STK39: variants seen among roughly 807,000 people sequenced by gnomAD.
The protein encoded by STK39 is serine/threonine kinase 39, also known as STE20/SPS1-related proline-alanine-rich protein kinase.
In STK39, 20 loss-of-function variants were observed where a neutral mutation model predicts 77.8. That is an observed-to-expected ratio of 0.26 (90% confidence interval 0.18 to 0.37). The LOEUF (loss-of-function observed/expected upper bound fraction) is 0.37, where lower values mean the gene tolerates loss of function less well. STK39 is among the 10% of genes least tolerant of loss of function. STK39 has a pLI of 1.00. For missense variants in STK39, 479 were observed against 656.5 expected (o/e 0.73, Z 2.95); for synonymous variants, 246 against 234.1 (o/e 1.05, Z -0.47).
At chr2:168,027,057 A>G (rs2105333570) in intron 14 of STK39, among the ~76,000 whole-genome samples, 1 of 152,324 alleles carries the variant, frequency 6.6e-6, no homozygotes, top group East Asian at 1.9e-4. Context: ...AGTATTATAT[A>G]CTAGAGGAAA....
At chr2:168,073,352 A>G (rs1169917219) in intron 12 of STK39, among the ~76,000 whole-genome samples, 2 of 152,154 alleles carry the variant, frequency 1.3e-5, no homozygotes, top group African/African-American at 4.8e-5. Context: ...GTGAACAACA[A>G]ATGTTTTGTG....
intron 10 of STK39, among the ~76,000 whole-genome samples, chr2:168,076,730 C>T (rs1444066880): frequency 6.6e-6 from 1 of 151,904 alleles, no homozygotes; most frequent in Non-Finnish European, 1.5e-5. Flanking sequence ...CCAAATTTTT[C>T]TTTTTAACTA....
intron 1 of STK39, among the ~76,000 whole-genome samples, chr2:168,216,720 C>T (rs879268604): frequency 3.3e-5 from 5 of 152,210 alleles, no homozygotes; most frequent in Admixed American, 3.3e-4. Flanking sequence ...TATTCGTGTG[C>T]TTTCAACTTT....
chr2:168,223,779 T>A (rs1690237383), intron 1 of STK39, among the ~76,000 whole-genome samples: 1 of 152,068 alleles, frequency 6.6e-6, no homozygotes, highest in Non-Finnish European at 1.5e-5. Flanking sequence ...TCAAGTATGC[T>A]GAGTAATTGG....
At chr2:167,995,650 C>T (rs1177653236) in intron 16 of STK39, among the ~76,000 whole-genome samples, 2 of 152,006 alleles carry the variant, frequency 1.3e-5, no homozygotes, top group East Asian at 3.9e-4. Flanking sequence ...TATACTGCCA[C>T]CCAAAAAGGT....
rs1333451147 is a variant in STK39, at chr2:168,075,180, C to T, written c.1141G>A (p.Asp381Asn). 1.2e-6 allele frequency: 2 copies of T among 1,614,048 alleles called. No homozygotes were observed. Among genetic ancestry groups the T allele is most frequent in the Non-Finnish European group, 1.7e-6 (2 of 1,180,036 alleles). ...SGHLHKTEDGDWEWSDDEMDE... is the reference protein window; with the variant it reads ...SGHLHKTEDGNWEWSDDEMDE... ...ATCTCGTCGTCACTCCACTCCCAGT[C>T]CCCGTCTTCGGTTTTATGAAGGTGA... The change falls in exon 11 of 18, where the codon GAC becomes AAC. Residue 381 changes from aspartate to asparagine, a missense_variant. Physicochemically the swap from Asp to Asn is conservative, Grantham distance 23. Around this residue, in one of 3 missense-constraint regions of STK39, gnomAD observed 244 missense variants for 296.8 expected, o/e 0.82. Coordinates refer to ENST00000355999, the MANE Select transcript of STK39 (RefSeq NM_013233.3).
chr2:168,019,574 C>T (rs1684520126), intron 14 of STK39, among the ~76,000 whole-genome samples: 1 of 152,216 alleles, frequency 6.6e-6, no homozygotes, highest in Admixed American at 6.5e-5. Context: ...ATTTAGAAAT[C>T]ATGTTGGACC....
At position 167,990,222 on chromosome 2, in the gene STK39, T is replaced by C. The variant is rs186493317; in HGVS notation, c.1498+22412A>G. On this transcript the variant is annotated intron_variant, in intron 16 of 17. Coordinates refer to ENST00000355999, the MANE Select transcript of STK39 (RefSeq NM_013233.3). Reference sequence around the variant, plus strand: ...GAAAAGCCTGCAGTGGCCTGGTACCTGATACGCAGGCTCTCCTAAGACAAA... The same window carrying C: ...GAAAAGCCTGCAGTGGCCTGGTACCCGATACGCAGGCTCTCCTAAGACAAA... 2.7e-3 allele frequency among the ~76,000 whole-genome samples: 411 copies of C among 152,334 alleles called. 2 individuals are homozygous for C. Among genetic ancestry groups the C allele is most frequent in the African/African-American group, 9.3e-3 (385 of 41,582 alleles).
At chr2:168,071,576 A>G (rs1685940796) in intron 12 of STK39, among the ~76,000 whole-genome samples, 1 of 152,212 alleles carries the variant, frequency 6.6e-6, no homozygotes, top group African/African-American at 2.4e-5. Flanking sequence ...AGCTATTGAT[A>G]GCAACTACAA....
intron 2 of STK39, among the ~76,000 whole-genome samples, chr2:168,181,722 G>A (rs905502176): frequency 6.6e-6 from 1 of 152,144 alleles, no homozygotes; most frequent in African/African-American, 2.4e-5. Flanking sequence ...GAGTGCCAAC[G>A]CTGAGGCCAT....
chr2:168,124,492 C>G (rs1457726308), intron 10 of STK39, among the ~76,000 whole-genome samples: 2 of 152,114 alleles, frequency 1.3e-5, no homozygotes, highest in African/African-American at 4.8e-5. Flanking sequence ...CCTCTGCCTC[C>G]CGGATTCAAA....
intron 10 of STK39, among the ~76,000 whole-genome samples, chr2:168,108,534 C>A (rs536615126): frequency 6.6e-6 from 1 of 150,792 alleles, no homozygotes; most frequent in Non-Finnish European, 1.5e-5. Context: ...GGTGACGGAG[C>A]GAGACCCTGT....
Position 168,082,838 on chromosome 2 carries a change from C to G in STK39, c.1090-7607G>C, listed in dbSNP as rs189517887. ...CAAAGTTGAGTTTGCCACCCCTAAC[C>G]CATTTGTTAATCCTCCATCTCCAGC... On this transcript the variant is annotated intron_variant, in intron 10 of 17. Transcript: ENST00000355999. Among the ~76,000 whole-genome samples, 3 of 152,274 alleles carry G rather than the reference C, an allele frequency of 2.0e-5. No homozygotes were observed. In the East Asian group the frequency reaches 5.8e-4, roughly 29 times the overall value.
At chr2:168,070,347 C>G (rs901037455) in intron 12 of STK39, among the ~76,000 whole-genome samples, 14 of 151,882 alleles carry the variant, frequency 9.2e-5, no homozygotes, top group Non-Finnish European at 4.4e-5. Context: ...TTCCATCAAC[C>G]AAGTAGAATA....
chr2:168,233,070 T>G (rs1279807053), intron 1 of STK39, among the ~76,000 whole-genome samples: 1 of 152,206 alleles, frequency 6.6e-6, no homozygotes, highest in Non-Finnish European at 1.5e-5. Context: ...GATGGGTATT[T>G]ACTTTACTAA....
intron 10 of STK39, among the ~76,000 whole-genome samples, chr2:168,098,410 T>C (rs767878647): frequency 2.0e-5 from 3 of 152,174 alleles, no homozygotes; most frequent in Non-Finnish European, 4.4e-5. Context: ...CCTGGCCAGC[T>C]TCTTACAGCA....
rs146305334 is a variant in STK39 at position 167,954,808 on chromosome 2, T to C, written c.*688A>G. ...AGCATCCAAATTCCTAATTCAGTCA[T>C]TTCAAAATTTAGAAGTTACAAATAC... On this transcript the variant is annotated 3_prime_UTR_variant, in exon 18 of 18. Coordinates refer to ENST00000355999, the MANE Select transcript of STK39 (RefSeq NM_013233.3). 722 of 152,752 alleles carry C rather than the reference T, an allele frequency of 4.7e-3. 4 individuals are homozygous for C. Among genetic ancestry groups the C allele is most frequent in the Non-Finnish European group, 7.1e-3 (480 of 68,022 alleles). The allele number at this position is 152,752 out of a possible 1,614,324, so 9.5% of individuals were successfully genotyped here.
intron 10 of STK39, among the ~76,000 whole-genome samples, chr2:168,107,810 T>C (rs1687018077): frequency 6.6e-6 from 1 of 152,244 alleles, no homozygotes; most frequent in African/African-American, 2.4e-5. Context: ...ATAGTGACTG[T>C]GTCCTCTGAC....
chr2:168,017,192 G>T, intron 14 of STK39, 97 bp from the exon 15 acceptor site: 1 of 727,804 alleles, frequency 1.4e-6, no homozygotes, highest in Non-Finnish European at 2.1e-6. Context: ...CTAACATGTG[G>T]ATAACATTTT....
Sources: allele counts gnomAD v4.1 joint callset (sites outside exome capture counted in the v4.1 genomes callset), GRCh38; gene constraint gnomAD v4.1.1; regional missense constraint gnomAD v4.1.1; transcripts MANE v1.5; gene names NCBI Gene and HGNC (gene_info 2026-07-23, HGNC 2026-07-21).